Variants in UROC1 observed in about 807,000 individuals in gnomAD.
The protein encoded by UROC1 is urocanate hydratase 1.
UROC1 carries 79 observed loss-of-function variants against 89.5 expected under a neutral mutation model. That is an observed-to-expected ratio of 0.88 (90% CI 0.74 to 1.06). UROC1 has a LOEUF of 1.06. UROC1 is among the 50% of genes least tolerant of loss of function. The pLI, the probability that UROC1 is intolerant of heterozygous loss-of-function variation, is 0.00. For synonymous variants in UROC1, 361 were observed against 354.8 expected (o/e 1.02, Z -0.20); for missense variants, 885 against 907.8 (o/e 0.97, Z 0.32).
chr3:126,496,131 C>T (rs374336853), intron 14 of UROC1, 23 bp from the exon 15 acceptor site: 189 of 1,609,104 alleles, frequency 1.2e-4, no homozygotes, highest in South Asian at 5.7e-4. Flanking sequence ...GGACAGCAGG[C>T]GTCAGAGACC....
rs1225781280 is a variant in UROC1, at chr3:126,492,469, G to A, written c.1557C>T (p.Arg519=). 16 of 1,613,500 alleles carry A rather than the reference G, an allele frequency of 9.9e-6. No homozygotes were observed. The highest frequency in any genetic ancestry group is 8.9e-5 in the East Asian group (4 of 44,872). The change falls in exon 16 of 20, where the codon CGC becomes CGT. Residue 519 remains arginine, a synonymous_variant. Transcript: ENST00000290868. The stretch of plus-strand genomic sequence containing the variant: ...GGTTAATGGCCACAGCGATGGCCAC[G>A]CGGCCCTTCTGGTCTGAGTACAGGA... ...ARILYSDQKG[R]VAIAVAINQA...
At chr3:126,514,072 T>G (rs926146199) in intron 1 of UROC1, among the ~76,000 whole-genome samples, 1 of 152,234 alleles carries the variant, frequency 6.6e-6, no homozygotes, top group Non-Finnish European at 1.5e-5. Flanking sequence ...TAAGCTGCTA[T>G]AGCCACCTCT....
At chr3:126,500,208 A>T (rs1429298825) in intron 11 of UROC1, 54 bp from the exon 12 acceptor site, 1 of 1,575,322 alleles carries the variant, frequency 6.3e-7, no homozygotes, top group Non-Finnish European at 8.7e-7. Context: ...GGCCTCCCCA[A>T]TGTGGCACCC....
At chr3:126,500,011 C>T (rs370345028) in intron 12 of UROC1, 46 bp downstream of exon 12, 2 of 1,571,100 alleles carry the variant, frequency 1.3e-6, no homozygotes, top group Non-Finnish European at 8.7e-7. Context: ...GAGGCTGGGC[C>T]CAGGGTGGTG....
At chr3:126,489,154 C>T (rs1935586385) in intron 17 of UROC1, 122 bp downstream of exon 17, 8 of 973,834 alleles carry the variant, frequency 8.2e-6, no homozygotes, top group Non-Finnish European at 1.3e-5. Context: ...GGGTTGGTCA[C>T]TCTATGCCGA....
chr3:126,488,559 A>G (rs1935569019), intron 17 of UROC1, among the ~76,000 whole-genome samples: 1 of 152,262 alleles, frequency 6.6e-6, no homozygotes, highest in Non-Finnish European at 1.5e-5. Flanking sequence ...CAGAAGAATT[A>G]AAAGGGATGT....
At chr3:126,492,733 G>A (rs1421433396) in intron 15 of UROC1, among the ~76,000 whole-genome samples, 2 of 152,110 alleles carry the variant, frequency 1.3e-5, no homozygotes, top group South Asian at 2.1e-4. Flanking sequence ...CAGCCATACC[G>A]GCCCCACATG....
chr3:126,497,920 T>C (rs1451703262), intron 14 of UROC1, 131 bp downstream of exon 14: 1 of 1,523,186 alleles, frequency 6.6e-7, no homozygotes, highest in Non-Finnish European at 9.0e-7. Flanking sequence ...CCCACCAGAC[T>C]CACAAAGTCA....
intron 1 of UROC1, among the ~76,000 whole-genome samples, chr3:126,517,358 C>T (rs1367055079): frequency 6.6e-6 from 1 of 152,212 alleles, no homozygotes; most frequent in Non-Finnish European, 1.5e-5. Flanking sequence ...GGCTGCTGAC[C>T]TTGAGCCTCA....
At position 126,500,050 on chromosome 3, in the gene UROC1, C is replaced by T. The variant is rs767411021; in HGVS notation, c.1243+7G>A. 1 of 1,612,292 alleles carries T rather than the reference C, an allele frequency of 6.2e-7. No individual in the cohort carries two copies. The highest frequency in any genetic ancestry group is 1.3e-5 in the African/African-American group (1 of 74,938). On this transcript the variant is annotated splice_region_variant and intron_variant, in intron 12 of 19. Coordinates refer to ENST00000290868, the MANE Select transcript of UROC1 (RefSeq NM_144639.3). Reference sequence around the variant, plus strand: ...CCTCCCTCCTCCTCCCTCCTCCTTCCTCCTACCTGCTCTCTGGGCCTCCAA... The same window carrying T: ...CCTCCCTCCTCCTCCCTCCTCCTTCTTCCTACCTGCTCTCTGGGCCTCCAA...
chr3:126,499,531 A>G (rs1261944973), intron 12 of UROC1, 122 bp from the exon 13 acceptor site: 19 of 977,796 alleles, frequency 1.9e-5, no homozygotes, highest in Non-Finnish European at 3.0e-5. Flanking sequence ...TTTTTCATGT[A>G]AAAGAAGAGA....
chr3:126,508,532 C>T (rs1936122580), intron 3 of UROC1, 57 bp from the exon 4 acceptor site: 3 of 1,482,236 alleles, frequency 2.0e-6, no homozygotes, highest in East Asian at 4.6e-5. Context: ...TATGGAGTTG[C>T]AGACAGGGAG....
Position 126,490,632 on chromosome 3 carries a change from C to G in UROC1, c.1609-1257G>C, listed in dbSNP as rs533770507. Among the ~76,000 whole-genome samples, 29 of 151,292 alleles carry G rather than the reference C, an allele frequency of 1.9e-4. No homozygotes were observed. In the South Asian group the frequency reaches 6.0e-3, roughly 31 times the overall value. On this transcript the variant is annotated intron_variant, in intron 16 of 19. Coordinates refer to ENST00000290868, the MANE Select transcript of UROC1 (RefSeq NM_144639.3). ...TCTGGGGGGTGGAGGTTGCAGTGAG[C>G]TGAGACCACGCCTGGGCTATGGAGT...
intron 1 of UROC1, among the ~76,000 whole-genome samples, chr3:126,511,010 G>A (rs1351638920): frequency 6.6e-6 from 1 of 152,060 alleles, no homozygotes; most frequent in Non-Finnish European, 1.5e-5. Flanking sequence ...CTTTCATGAA[G>A]GCAGACTGAT....
chr3:126,490,409 G>C, intron 16 of UROC1, among the ~76,000 whole-genome samples: 1 of 152,290 alleles, frequency 6.6e-6, no homozygotes. Flanking sequence ...AGTCCTGGCC[G>C]GGCACAGTGG....
intron 9 of UROC1, among the ~76,000 whole-genome samples, chr3:126,502,267 C>T (rs1238852216): frequency 1.0e-4 from 15 of 144,030 alleles, no homozygotes. Context: ...GTGTGTGCGC[C>T]TGTGTGTTTA....
chr3:126,482,039 T>A lies in UROC1; in HGVS notation c.*306A>T, dbSNP rs891961204. ...TGTGATCATCCCAGCCGGAGAGAGC[T>A]TGACCAGTGTTCACCGCAGGGCCCC... On this transcript the variant is annotated 3_prime_UTR_variant, in exon 20 of 20. Transcript: ENST00000290868. 1.2e-5 allele frequency: 5 copies of A among 431,476 alleles called. No individual in the cohort carries two copies. The highest frequency in any genetic ancestry group is 2.1e-5 in the Non-Finnish European group (5 of 234,222). 26.7% of individuals were successfully genotyped at this position (431,476 alleles called of 1,614,324 possible).
At chr3:126,508,521 C>A (rs746893597) in intron 3 of UROC1, 46 bp from the exon 4 acceptor site, 1 of 1,548,908 alleles carries the variant, frequency 6.5e-7, no homozygotes. Context: ...TGGGAAGGGC[C>A]TATGGAGTTG....
intron 17 of UROC1, among the ~76,000 whole-genome samples, chr3:126,488,805 G>A (rs1487409785): frequency 1.3e-5 from 2 of 152,224 alleles, no homozygotes; most frequent in African/African-American, 4.8e-5. Flanking sequence ...GACAGGCGCA[G>A]GCCAGCCTGA....
Sources: allele counts gnomAD v4.1 joint callset (sites outside exome capture counted in the v4.1 genomes callset), GRCh38; gene constraint gnomAD v4.1.1; transcripts MANE v1.5; gene names NCBI Gene and HGNC (gene_info 2026-07-23, HGNC 2026-07-21).